SCAPER: variants seen among roughly 807,000 people sequenced by gnomAD.
SCAPER encodes S-phase cyclin A associated protein in the ER, also known as S phase cyclin A-associated protein in the endoplasmic reticulum.
Under a neutral mutation model 182.2 loss-of-function variants are expected in SCAPER, and 98 were observed. The observed-to-expected ratio is 0.54, with a 90% CI of 0.46 to 0.64. SCAPER has a LOEUF of 0.64. Among genes scored for constraint, SCAPER ranks in the 30% least tolerant of loss-of-function variants. The pLI, the probability that SCAPER is intolerant of heterozygous loss-of-function variation, is 0.00. For synonymous variants in SCAPER, 605 were observed against 564.6 expected (o/e 1.07, Z -1.01); for missense variants, 1,432 against 1,690.0 (o/e 0.85, Z 2.68).
chr15:76,604,300 G>A (rs200103621), intron 22 of SCAPER, among the ~76,000 whole-genome samples: 1 of 120,682 alleles, frequency 8.3e-6, no homozygotes, highest in African/African-American at 2.5e-5. Flanking sequence ...CCTATTGCTT[G>A]TTTTTGTCAG....
chr15:76,522,348 C>T (rs1216572114), intron 23 of SCAPER, among the ~76,000 whole-genome samples: 3 of 152,084 alleles, frequency 2.0e-5, no homozygotes, highest in African/African-American at 7.2e-5. Context: ...ATGACTGATT[C>T]ACCAGTAGGA....
chr15:76,848,955 A>G (rs1250924786), intron 4 of SCAPER, among the ~76,000 whole-genome samples: 2 of 152,118 alleles, frequency 1.3e-5, no homozygotes, highest in Non-Finnish European at 2.9e-5. Context: ...AGTTTCCCTG[A>G]GAAGAGGCTC....
At chr15:76,882,924 A>G (rs368131883) in intron 2 of SCAPER, among the ~76,000 whole-genome samples, 1 of 152,154 alleles carries the variant, frequency 6.6e-6, no homozygotes, top group African/African-American at 2.4e-5. Context: ...TAGGCCTCCC[A>G]AAGTGCTGGG....
chr15:76,504,334 G>T (rs1467652152), intron 24 of SCAPER, among the ~76,000 whole-genome samples: 2 of 152,122 alleles, frequency 1.3e-5, no homozygotes, highest in Non-Finnish European at 2.9e-5. Context: ...AGGGACTAAA[G>T]GGGGACTTAA....
chr15:76,351,001 A>C, intron 31 of SCAPER: 1 of 396,704 alleles, frequency 2.5e-6, no homozygotes. Flanking sequence ...AAATTATACA[A>C]AGATATTTGT....
chr15:76,439,100 T>A (rs1411804199), intron 25 of SCAPER, among the ~76,000 whole-genome samples: 2 of 151,996 alleles, frequency 1.3e-5, no homozygotes, highest in Non-Finnish European at 2.9e-5. Context: ...TTTTTTTTTT[T>A]AAGAAGATAG....
intron 20 of SCAPER, among the ~76,000 whole-genome samples, chr15:76,698,288 A>G (rs555452128): frequency 6.0e-4 from 92 of 152,260 alleles, no homozygotes; most frequent in Non-Finnish European, 3.4e-4. Flanking sequence ...CACTCTGTAT[A>G]AACTTTTCAT....
chr15:76,883,273 T>A (rs1008843972), intron 2 of SCAPER, among the ~76,000 whole-genome samples: 3 of 152,220 alleles, frequency 2.0e-5, no homozygotes, highest in African/African-American at 7.2e-5. Flanking sequence ...TATACCTCCA[T>A]TCCTTTCTCC....
At position 76,644,367 on chromosome 15, in the gene SCAPER, G is replaced by C. The variant is rs536409154; in HGVS notation, c.2645+21286C>G. Among the ~76,000 whole-genome samples the C allele has an allele frequency of 5.3e-5, 8 of 152,056 alleles. No homozygotes were observed. The East Asian group carries it at 1.5e-3, about 29-fold the overall frequency. ...TTATATAAAAATGTGTTATTCATGTGAACAAATAATGATTTTATATTATTT... is the reference window on the plus strand; with the variant it reads ...TTATATAAAAATGTGTTATTCATGTCAACAAATAATGATTTTATATTATTT... On this transcript the variant is annotated intron_variant, in intron 21 of 31. Coordinates refer to ENST00000563290, the MANE Select transcript of SCAPER (RefSeq NM_020843.4).
At chr15:76,508,666 T>A (rs1240967732) in intron 23 of SCAPER, among the ~76,000 whole-genome samples, 1 of 152,206 alleles carries the variant, frequency 6.6e-6, no homozygotes, top group East Asian at 1.9e-4. Flanking sequence ...TTGAACATCT[T>A]ATGTTTACTG....
At chr15:76,713,700 A>T (rs1358293899) in intron 17 of SCAPER, among the ~76,000 whole-genome samples, 5 of 152,090 alleles carry the variant, frequency 3.3e-5, no homozygotes, top group Admixed American at 6.6e-5. Flanking sequence ...TAGTGGGTGC[A>T]GCACACCAGC....
rs371114446 is a variant in SCAPER at position 76,574,198 on chromosome 15, T to C, written c.2798A>G (p.Asp933Gly). 7 of 1,610,290 alleles carry C rather than the reference T, an allele frequency of 4.3e-6. No homozygotes were observed. The African/African-American group carries it at 5.3e-5, about 12-fold the overall frequency. ...TCTAGTGATCTCTCCTAGGGTCCGA[T>C]CCAAAGCAGACACTTTATTGTTTGC... is the stretch of plus-strand genomic sequence containing the variant. Reference protein sequence around the residue: ...SWANNKVSALDRTLGEITRIL... With the variant: ...SWANNKVSALGRTLGEITRIL... Residue 933 changes from aspartate (D) to glycine (G), a missense_variant, in exon 23 of 32, where the codon GAT becomes GGT. Coordinates refer to ENST00000563290, the MANE Select transcript of SCAPER (RefSeq NM_020843.4).
At position 76,665,684 on chromosome 15, in the gene SCAPER, C is replaced by T. The variant is rs368393035; in HGVS notation, c.2614G>A (p.Ala872Thr). The T allele has an allele frequency of 3.2e-6, 5 of 1,583,256 alleles. No homozygotes were observed. Among genetic ancestry groups the T allele is most frequent in the Non-Finnish European group, 4.3e-6 (5 of 1,165,370 alleles). The change falls in exon 21 of 32, where the codon GCC becomes ACC. Residue 872 changes from alanine to threonine, a missense_variant. Physicochemically the swap from Ala to Thr is moderately conservative, Grantham distance 58. Transcript: ENST00000563290. ...TTCATCCGGGCTTTTATCTTTTTGG[C>T]TTTTTTTTTATTTTTTTGCCGCTCT... ...GEERQKNKKK[A>T]KKIKARMNFR...
chr15:76,721,601 T>C (rs889702632), intron 17 of SCAPER, among the ~76,000 whole-genome samples: 7 of 152,260 alleles, frequency 4.6e-5, no homozygotes, highest in South Asian at 4.1e-4. Flanking sequence ...TTTTATTTCA[T>C]TGAGCAGTGG....
chr15:76,783,627 A>C (rs904005426), intron 8 of SCAPER, among the ~76,000 whole-genome samples: 1 of 151,314 alleles, frequency 6.6e-6, no homozygotes, highest in African/African-American at 2.4e-5. Flanking sequence ...CATTGATGCG[A>C]AAATCCTCAA....
At position 76,637,742 on chromosome 15, in the gene SCAPER, A is replaced by ATG. The variant is rs55726181; in HGVS notation, c.2646-15915_2646-15914dup. On this transcript the variant is annotated intron_variant, in intron 21 of 31. Coordinates refer to ENST00000563290, the MANE Select transcript of SCAPER (RefSeq NM_020843.4). Reference sequence around the variant, plus strand: ...TGTGATTATATATATATATATATATATGTGTGTGTGTGTGTGTGTGTGTGT... The same window carrying ATG: ...TGTGATTATATATATATATATATATATGTGTGTGTGTGTGTGTGTGTGTGTGT... Among the ~76,000 whole-genome samples the ATG allele has an allele frequency of 8.3e-4, 88 of 105,810 alleles. 1 individual carries two copies. Among genetic ancestry groups the ATG allele is most frequent in the South Asian group, 2.9e-3 (8 of 2,726 alleles). 69.4% of individuals were successfully genotyped at this position (105,810 alleles called of 152,430 possible).
chr15:76,535,957 C>G (rs1272531523), intron 23 of SCAPER, among the ~76,000 whole-genome samples: 2 of 152,146 alleles, frequency 1.3e-5, no homozygotes, highest in Non-Finnish European at 2.9e-5. Context: ...AATAACTGTT[C>G]ATGTTACTTA....
chr15:76,368,089 G>C (rs1447096157), intron 29 of SCAPER, among the ~76,000 whole-genome samples: 1 of 152,210 alleles, frequency 6.6e-6, no homozygotes, highest in Non-Finnish European at 1.5e-5. Flanking sequence ...ATGCTTGTGT[G>C]ACAGCTAAAG....
At chr15:76,407,282 C>G (rs1366288379) in intron 26 of SCAPER, among the ~76,000 whole-genome samples, 1 of 152,144 alleles carries the variant, frequency 6.6e-6, no homozygotes, top group Non-Finnish European at 1.5e-5. Flanking sequence ...ATGCAGGCAA[C>G]TGTAACACAA....
Sources: gnomAD v4.1 joint callset for allele counts (sites outside exome capture counted in the v4.1 genomes callset) on GRCh38, gnomAD v4.1.1 for gene constraint, MANE v1.5 for transcripts, NCBI Gene and HGNC (gene_info 2026-07-23, HGNC 2026-07-21) for gene names.